Variants in DIPK1A observed in about 807,000 individuals in gnomAD.
The protein encoded by DIPK1A is divergent protein kinase domain 1A.
DIPK1A carries 27 observed loss-of-function variants against 40.8 expected under a neutral mutation model. That is an observed-to-expected ratio of 0.66 (90% CI 0.49 to 0.91). DIPK1A has a LOEUF of 0.91. Ranked by LOEUF, DIPK1A falls within the 40% of genes least tolerant of loss-of-function variation. The pLI is 0.00. For synonymous variants in DIPK1A, 166 were observed against 171.3 expected (o/e 0.97, Z 0.24); for missense variants, 412 against 505.7 (o/e 0.81, Z 1.78).
At chr1:92,840,470 G>A, downstream of DIPK1A, 2 of 1,025,928 alleles carry the variant, frequency 1.9e-6, no homozygotes, top group South Asian at 2.6e-5. Flanking sequence ...TGGCTTAGAA[G>A]GACAAGATAA....
chr1:92,885,148 GT>G (rs756993576), intron 1 of DIPK1A, among the ~76,000 whole-genome samples: 27 of 152,148 alleles, frequency 1.8e-4, no homozygotes, highest in Non-Finnish European at 3.1e-4. Flanking sequence ...GGTGGAAGAG[GT>G]TGTTCACCTC....
At chr1:92,910,962 C>G (rs1649804643) in intron 1 of DIPK1A, among the ~76,000 whole-genome samples, 1 of 152,162 alleles carries the variant, frequency 6.6e-6, no homozygotes, top group African/African-American at 2.4e-5. Flanking sequence ...TAGCCACATC[C>G]ACCTCTATTA....
At chr1:92,884,968 C>T (rs1433591108) in intron 1 of DIPK1A, among the ~76,000 whole-genome samples, 1 of 152,060 alleles carries the variant, frequency 6.6e-6, no homozygotes, top group Non-Finnish European at 1.5e-5. Context: ...ACTTTAATTG[C>T]TAATATTCTG....
chr1:92,880,865 G>A (rs149139678), intron 1 of DIPK1A, among the ~76,000 whole-genome samples: 8 of 148,260 alleles, frequency 5.4e-5, no homozygotes, highest in African/African-American at 7.8e-5. Context: ...GCGAGACTCC[G>A]TCTCCAAACA....
At chr1:92,945,136 C>T (rs1181342191) in intron 1 of DIPK1A, among the ~76,000 whole-genome samples, 4 of 151,218 alleles carry the variant, frequency 2.6e-5, no homozygotes, top group Admixed American at 6.6e-5. Flanking sequence ...ACCATGGGAA[C>T]GCAAGCATGG....
At chr1:92,938,958 T>C (rs1418096137) in intron 1 of DIPK1A, among the ~76,000 whole-genome samples, 1 of 152,214 alleles carries the variant, frequency 6.6e-6, no homozygotes, top group African/African-American at 2.4e-5. Context: ...CTGGAGGCAG[T>C]GGTGTGATCT....
chr1:92,897,047 A>G (rs1484588140), intron 1 of DIPK1A, among the ~76,000 whole-genome samples: 15 of 151,126 alleles, frequency 9.9e-5, no homozygotes, highest in Non-Finnish European at 1.8e-4. Context: ...ACACTTTTAC[A>G]CTGTTGGTGG....
In DIPK1A at chr1:92,847,222, A is replaced by G. The variant is rs115721562; in HGVS notation, c.435T>C (p.Thr145=). Residue 145 remains threonine, a synonymous_variant, in exon 4 of 5, where the codon ACT becomes ACC. Transcript: ENST00000370310. ...AGACCATTTCTTTAAATTTTTGTACAGTAGTTCCTCTAGTTGGCTTATCAA... is the reference window on the plus strand; with the variant it reads ...AGACCATTTCTTTAAATTTTTGTACGGTAGTTCCTCTAGTTGGCTTATCAA... The part of the protein sequence containing the change: ...VLFDKPTRGT[T]VQKFKEMVYS... 41 of 1,598,052 alleles carry G rather than the reference A, an allele frequency of 2.6e-5. No homozygotes were observed. Among genetic ancestry groups the G allele is most frequent in the Non-Finnish European group, 3.2e-5 (38 of 1,171,540 alleles).
In DIPK1A at chr1:92,843,556, C is replaced by G; in HGVS notation, c.1114G>C (p.Asp372His). ...NLAKACQLLKDYLLRGAPSEI... is the reference protein window; with the variant it reads ...NLAKACQLLKHYLLRGAPSEI... The stretch of plus-strand genomic sequence containing the variant: ...CTTGGAGCACCACGCAGTAGGTAGT[C>G]TTTGAGTAACTGACAAGCTTTTGCC... Residue 372 changes from aspartate to histidine, a missense_variant, in exon 5 of 5, where the codon GAC becomes CAC. Asp to His is a moderately conservative substitution (Grantham distance 81). Transcript: ENST00000370310. 1 of 1,552,080 alleles carries G rather than the reference C, an allele frequency of 6.4e-7. No individual in the cohort carries two copies. Among genetic ancestry groups the G allele is most frequent in the Non-Finnish European group, 8.7e-7 (1 of 1,147,072 alleles).
At chr1:92,887,666 T>C in intron 1 of DIPK1A, among the ~76,000 whole-genome samples, 1 of 152,212 alleles carries the variant, frequency 6.6e-6, no homozygotes, top group Non-Finnish European at 1.5e-5. Context: ...GGTATGTCAC[T>C]AAGTTTTGGG....
intron 2 of DIPK1A, among the ~76,000 whole-genome samples, chr1:92,852,413 G>A (rs113145007): frequency 0.017 from 2,638 of 152,002 alleles, 75 homozygotes; most frequent in African/African-American, 0.059. Context: ...TGGAAGAGTC[G>A]CTTGAACCCT....
Position 92,924,060 on chromosome 1 carries a change from A to G in DIPK1A, c.54+37316T>C, listed in dbSNP as rs1474102261. Among the ~76,000 whole-genome samples, 10 of 152,290 alleles carry G rather than the reference A, an allele frequency of 6.6e-5. No individual in the cohort carries two copies. The East Asian group carries it at 1.9e-3, about 29-fold the overall frequency. On this transcript the variant is annotated intron_variant, in intron 1 of 4. Coordinates refer to ENST00000370310, the MANE Select transcript of DIPK1A (RefSeq NM_001006605.5). Reference sequence around the variant, plus strand: ...ATCTTTTTAAATTTCTCTCAGCAGTATTTTATACTTTTCAGTGTAGAGGTG... The same window carrying G: ...ATCTTTTTAAATTTCTCTCAGCAGTGTTTTATACTTTTCAGTGTAGAGGTG...
At chr1:92,859,283 A>G (rs1406130707) in intron 2 of DIPK1A, among the ~76,000 whole-genome samples, 5 of 152,104 alleles carry the variant, frequency 3.3e-5, no homozygotes, top group African/African-American at 9.7e-5. Context: ...GTCTCTCGTC[A>G]ACACCCTCTC....
chr1:92,955,616 T>C (rs1360413014), intron 1 of DIPK1A, among the ~76,000 whole-genome samples: 1 of 147,086 alleles, frequency 6.8e-6, no homozygotes, highest in Non-Finnish European at 1.5e-5. Context: ...GAGAATGGCA[T>C]GAACCTGGGA....
intron 1 of DIPK1A, among the ~76,000 whole-genome samples, chr1:92,955,813 G>A (rs1034821557): frequency 6.6e-6 from 1 of 152,278 alleles, no homozygotes; most frequent in Admixed American, 6.5e-5. Flanking sequence ...GGCCAAGGCA[G>A]GAGGATCACT....
rs985310987 is a variant in DIPK1A, at chr1:92,842,490, A to G, written c.*893T>C. The stretch of plus-strand genomic sequence containing the variant: ...AAGTTTACATGGGGAAAAAAACATT[A>G]GATAAATAAATACATTTACATGCCT... On this transcript the variant is annotated 3_prime_UTR_variant, in exon 5 of 5. Transcript: ENST00000370310. 3 of 978,668 alleles carry G rather than the reference A, an allele frequency of 3.1e-6. No homozygotes were observed. Among genetic ancestry groups the G allele is most frequent in the East Asian group, 2.3e-4 (2 of 8,772 alleles). 60.6% of individuals were successfully genotyped at this position (978,668 alleles called of 1,614,324 possible).
At chr1:92,900,483 A>T (rs1193471958) in intron 1 of DIPK1A, among the ~76,000 whole-genome samples, 1 of 151,612 alleles carries the variant, frequency 6.6e-6, no homozygotes, top group Non-Finnish European at 1.5e-5. Flanking sequence ...CTCTTTGTTG[A>T]ATTTCTTGGT....
chr1:92,875,894 C>G (rs1333818225), intron 2 of DIPK1A, among the ~76,000 whole-genome samples: 1 of 151,710 alleles, frequency 6.6e-6, no homozygotes, highest in Non-Finnish European at 1.5e-5. Context: ...GAATAATAAT[C>G]CTTTTAGATA....
At chr1:92,936,639 A>G (rs1051372894) in intron 1 of DIPK1A, among the ~76,000 whole-genome samples, 3 of 151,978 alleles carry the variant, frequency 2.0e-5, no homozygotes, top group Non-Finnish European at 4.4e-5. Context: ...CAAAAAAAAA[A>G]AAAAGAAAAG....
Sources: allele counts gnomAD v4.1 joint callset (sites outside exome capture counted in the v4.1 genomes callset), GRCh38; gene constraint gnomAD v4.1.1; transcripts MANE v1.5; gene names NCBI Gene and HGNC (gene_info 2026-07-23, HGNC 2026-07-21).